Variants in PABPC4L observed in about 807,000 individuals in gnomAD.
PABPC4L encodes polyadenylate-binding protein 4-like.
For synonymous variants in PABPC4L, 169 were observed against 164.1 expected, an observed-to-expected ratio of 1.03 and a Z score of -0.23; for missense variants, 452 against 451.4, an observed-to-expected ratio of 1.00 and a Z score of -0.01.
At chr4:134,128,816 T>C in the PABPC4L span, among the ~76,000 whole-genome samples, 1 of 152,096 alleles carries the variant, frequency 6.6e-6, no homozygotes, top group African/African-American at 2.4e-5. Context: ...GAATAGTATC[T>C]CACATCTCAA....
the PABPC4L span, among the ~76,000 whole-genome samples, chr4:134,045,562 T>C: frequency 6.6e-6 from 1 of 152,106 alleles, no homozygotes; most frequent in East Asian, 1.9e-4. Context: ...ACAGAATACT[T>C]TGTCCTTGGA....
chr4:134,142,949 A>G, the PABPC4L span, among the ~76,000 whole-genome samples: 2 of 151,564 alleles, frequency 1.3e-5, no homozygotes, highest in Non-Finnish European at 1.5e-5. Flanking sequence ...AGCCGTGGAT[A>G]TGGGGCCTTG....
chr4:134,150,268 G>C, the PABPC4L span, among the ~76,000 whole-genome samples: 4 of 151,940 alleles, frequency 2.6e-5, no homozygotes, highest in Non-Finnish European at 5.9e-5. Flanking sequence ...ATTTTTAGTA[G>C]AGACAGGGTT....
the PABPC4L span, among the ~76,000 whole-genome samples, chr4:134,013,054 C>T: frequency 6.6e-6 from 1 of 152,230 alleles, no homozygotes; most frequent in Admixed American, 6.5e-5. Flanking sequence ...GGATGCCTGC[C>T]TTGGTCCTTC....
the PABPC4L span, among the ~76,000 whole-genome samples, chr4:134,096,862 T>G: frequency 1.3e-5 from 2 of 152,124 alleles, no homozygotes; most frequent in Non-Finnish European, 2.9e-5. Flanking sequence ...AAGCTCTATA[T>G]TCTTATGCAG....
At chr4:134,188,788 T>G in the PABPC4L span, among the ~76,000 whole-genome samples, 5 of 152,124 alleles carry the variant, frequency 3.3e-5, no homozygotes, top group African/African-American at 9.6e-5. Context: ...TAGTTTTGTA[T>G]TGCTTTTAAT....
rs1729740846 is a variant in PABPC4L, at chr4:134,198,630, A to G, written c.*1277T>C. The G allele has an allele frequency of 1.3e-5, 2 of 151,964 alleles. No homozygotes were observed. The highest frequency in any genetic ancestry group is 6.5e-5 in the Admixed American group (1 of 15,268). The allele number at this position is 151,964 out of a possible 1,614,324, so 9.4% of individuals were successfully genotyped here. On this transcript the variant is annotated 3_prime_UTR_variant, in exon 2 of 2. Coordinates refer to ENST00000421491, the MANE Select transcript of PABPC4L (RefSeq NM_001114734.2). ...GGTATGAATCAGAATTTGTAAAGCA[A>G]TTATTTAAATGTAATTAAATAACTC...
At chr4:133,963,148 G>C in the PABPC4L span, among the ~76,000 whole-genome samples, 1 of 152,106 alleles carries the variant, frequency 6.6e-6, no homozygotes, top group South Asian at 2.1e-4. Context: ...AATGGAAAAG[G>C]CATTTCACGA....
the PABPC4L span, among the ~76,000 whole-genome samples, chr4:134,008,391 A>G: frequency 6.6e-6 from 1 of 151,798 alleles, no homozygotes; most frequent in Admixed American, 6.6e-5. Context: ...GGAAAATTTG[A>G]TTGTTGTTTT....
the PABPC4L span, among the ~76,000 whole-genome samples, chr4:134,100,502 T>C: frequency 6.6e-6 from 1 of 151,608 alleles, no homozygotes; most frequent in African/African-American, 2.4e-5. Flanking sequence ...AAGTGTCATA[T>C]TTGGAAGATG....
chr4:133,958,301 T>C, the PABPC4L span, among the ~76,000 whole-genome samples: 1 of 152,108 alleles, frequency 6.6e-6, no homozygotes, highest in South Asian at 2.1e-4. Flanking sequence ...TTCCAAGAAG[T>C]TCCTCATCTA....
the PABPC4L span, among the ~76,000 whole-genome samples, chr4:134,187,747 CTTTT>C: frequency 6.6e-6 from 1 of 151,960 alleles, no homozygotes; most frequent in South Asian, 2.1e-4. Context: ...CTCCCTCTTT[CTTTT>C]TATTAGTGCT....
the PABPC4L span, among the ~76,000 whole-genome samples, chr4:134,101,060 C>T: frequency 6.6e-6 from 1 of 151,402 alleles, no homozygotes. Flanking sequence ...ATTGGATCAG[C>T]TTGGCAATCT....
the PABPC4L span, among the ~76,000 whole-genome samples, chr4:134,012,769 G>A: frequency 5.3e-4 from 80 of 152,096 alleles, no homozygotes; most frequent in African/African-American, 1.9e-3. Flanking sequence ...TTCAAATCCG[G>A]TAAGCGGCCT....
At chr4:133,988,295 A>G in the PABPC4L span, among the ~76,000 whole-genome samples, 1 of 152,318 alleles carries the variant, frequency 6.6e-6, no homozygotes, top group African/African-American at 2.4e-5. Context: ...TATCAAGTCC[A>G]AGGTCTCATC....
At chr4:134,144,425 C>T in the PABPC4L span, among the ~76,000 whole-genome samples, 1 of 151,542 alleles carries the variant, frequency 6.6e-6, no homozygotes, top group African/African-American at 2.4e-5. Context: ...ATTTTACAAA[C>T]TACACTTTAA....
chr4:134,042,707 A>C, the PABPC4L span, among the ~76,000 whole-genome samples: 1 of 152,148 alleles, frequency 6.6e-6, no homozygotes, highest in Non-Finnish European at 1.5e-5. Flanking sequence ...AATTTTAATA[A>C]GTTTTGTTTG....
chr4:133,983,977 C>A, the PABPC4L span, among the ~76,000 whole-genome samples: 1 of 151,626 alleles, frequency 6.6e-6, no homozygotes, highest in African/African-American at 2.4e-5. Context: ...AGAAAGAGTA[C>A]AAAGAAATCT....
chr4:134,133,468 T>C, the PABPC4L span, among the ~76,000 whole-genome samples: 1 of 146,978 alleles, frequency 6.8e-6, no homozygotes, highest in Non-Finnish European at 1.5e-5. Flanking sequence ...ATATCATATA[T>C]TTTATATATA....
Sources: allele counts gnomAD v4.1 joint callset (sites outside exome capture counted in the v4.1 genomes callset), GRCh38; gene constraint gnomAD v4.1.1; transcripts MANE v1.5; gene names NCBI Gene and HGNC (gene_info 2026-07-23, HGNC 2026-07-21).